Variants in KLC1 observed in about 807,000 individuals in gnomAD.
KLC1 encodes the protein kinesin light chain 1.
In KLC1, 30 loss-of-function variants were observed where a neutral mutation model predicts 84.2. That is an observed-to-expected ratio of 0.36 (90% CI 0.27 to 0.48). The LOEUF (loss-of-function observed/expected upper bound fraction) is 0.48. KLC1 is among the 20% of genes least tolerant of loss of function. KLC1 has a pLI of 0.99. For synonymous variants in KLC1, 289 were observed against 293.3 expected, an observed-to-expected ratio of 0.99 and a Z score of 0.15; for missense variants, 499 against 805.4, an observed-to-expected ratio of 0.62 and a Z score of 4.60.
Position 103,679,066 on chromosome 14 carries a change from T to G in KLC1, c.1489-318T>G, listed in dbSNP as rs934535609. On this transcript the variant is annotated intron_variant, in intron 12 of 16. Coordinates refer to ENST00000334553, the MANE Select transcript of KLC1 (RefSeq NM_001394837.1). Reference sequence around the variant, plus strand: ...AAATGGTTCAGGCATTGGAGAAGTTTGATGGCTTATCTAAAAGTTAAACTT... The same window carrying G: ...AAATGGTTCAGGCATTGGAGAAGTTGGATGGCTTATCTAAAAGTTAAACTT... Among the ~76,000 whole-genome samples, 56 of 152,170 alleles carry G rather than the reference T, an allele frequency of 3.7e-4. 2 individuals are homozygous for G. The highest frequency in any genetic ancestry group is 1.2e-4 in the Non-Finnish European group (8 of 68,032).
chr14:103,700,777 G>A (rs746705994), intron 16 of KLC1, 50 bp downstream of exon 16: 5 of 1,446,910 alleles, frequency 3.5e-6, no homozygotes, highest in Non-Finnish European at 4.7e-6. Flanking sequence ...GGGCCAGGGA[G>A]GGACTTTGCA....
chr14:103,657,029 C>T (rs1009859198), intron 2 of KLC1, among the ~76,000 whole-genome samples: 1 of 152,120 alleles, frequency 6.6e-6, no homozygotes, highest in Non-Finnish European at 1.5e-5. Flanking sequence ...ATGAGTGCAC[C>T]AGTGCATTCT....
intron 1 of KLC1, among the ~76,000 whole-genome samples, chr14:103,633,114 G>A (rs1441294972): frequency 1.3e-5 from 2 of 151,536 alleles, no homozygotes; most frequent in Non-Finnish European, 2.9e-5. Context: ...CTGGAACGCA[G>A]TGGCACGACC....
chr14:103,658,037 A>G (rs2078953346), intron 3 of KLC1, among the ~76,000 whole-genome samples: 1 of 152,130 alleles, frequency 6.6e-6, no homozygotes, highest in Non-Finnish European at 1.5e-5. Context: ...CTTCCATGCC[A>G]TCAGCTGCTG....
intron 13 of KLC1, 113 bp downstream of exon 13, chr14:103,679,658 C>A: frequency 1.4e-6 from 1 of 729,790 alleles, no homozygotes; most frequent in Non-Finnish European, 2.3e-6. Context: ...AATTAAGTGC[C>A]AATTAAGCTT....
At chr14:103,685,646 G>T (rs956121744) in intron 13 of KLC1, 1 of 1,289,378 alleles carries the variant, frequency 7.8e-7, no homozygotes, top group Non-Finnish European at 1.0e-6. Flanking sequence ...AGGCCTAGCC[G>T]CCCGTGACTC....
At chr14:103,658,606 A>T (rs1191477946) in intron 3 of KLC1, among the ~76,000 whole-genome samples, 4 of 134,828 alleles carry the variant, frequency 3.0e-5, no homozygotes, top group Non-Finnish European at 6.4e-5. Flanking sequence ...TTGGATGTTT[A>T]TCCTAGTCTC....
At chr14:103,697,272 TGAA>T (rs1474760499) in intron 15 of KLC1, 2 of 305,286 alleles carry the variant, frequency 6.6e-6, no homozygotes, top group African/African-American at 2.3e-5. Flanking sequence ...GATAACATGA[TGAA>T]GGTTTAAACG....
chr14:103,646,336 C>T lies in KLC1; in HGVS notation c.-1-8228C>T, dbSNP rs188541385. On this transcript the variant is annotated intron_variant, in intron 1 of 16. Transcript: ENST00000334553. ...ATTTTCTGAGACAGTCTTGCTTGCT[C>T]TGTCACCTACGCTGGAGTGCAGTGG... Among the ~76,000 whole-genome samples the T allele has an allele frequency of 4.4e-4, 67 of 151,886 alleles. No homozygotes were observed. In the Middle Eastern group the frequency reaches 0.02, roughly 46 times the overall value.
chr14:103,630,879 C>G (rs1278061366), intron 1 of KLC1, among the ~76,000 whole-genome samples: 1 of 152,190 alleles, frequency 6.6e-6, no homozygotes, highest in Non-Finnish European at 1.5e-5. Flanking sequence ...GCAGCCCTGT[C>G]TGGCACTGAG....
intron 2 of KLC1, among the ~76,000 whole-genome samples, chr14:103,656,131 G>C (rs927602825): frequency 5.3e-5 from 8 of 152,156 alleles, no homozygotes; most frequent in African/African-American, 1.4e-4. Context: ...AAGGAAGGAC[G>C]TGCCTCCTTC....
At chr14:103,647,720 A>G (rs1324148352) in intron 1 of KLC1, among the ~76,000 whole-genome samples, 1 of 151,596 alleles carries the variant, frequency 6.6e-6, no homozygotes, top group African/African-American at 2.4e-5. Context: ...TACTAAAAAT[A>G]CAAAAATTAG....
At chr14:103,677,861 G>A (rs570462949) in intron 12 of KLC1, among the ~76,000 whole-genome samples, 1 of 152,192 alleles carries the variant, frequency 6.6e-6, no homozygotes, top group Non-Finnish European at 1.5e-5. Context: ...CAGCTACTCG[G>A]GAGGCTGAGA....
chr14:103,698,874 TG>T, intron 15 of KLC1: 2 of 1,605,910 alleles, frequency 1.2e-6, no homozygotes, highest in South Asian at 2.2e-5. Flanking sequence ...GGGGGGCAGG[TG>T]GGGGGCAGAG....
At chr14:103,685,134 G>C (rs1244715603) in intron 13 of KLC1, 2 of 1,477,450 alleles carry the variant, frequency 1.4e-6, no homozygotes, top group Non-Finnish European at 1.8e-6. Context: ...ATTGCTGCCT[G>C]TGGAAATTAA....
intron 13 of KLC1, among the ~76,000 whole-genome samples, chr14:103,680,073 C>T (rs976079663): frequency 4.6e-5 from 7 of 152,196 alleles, no homozygotes; most frequent in African/African-American, 1.7e-4. Context: ...CCTGCATTTC[C>T]CCTGAGAGGG....
chr14:103,699,143 CG>C (rs1567048113), intron 15 of KLC1: 1 of 1,572,138 alleles, frequency 6.4e-7, no homozygotes, highest in Non-Finnish European at 8.6e-7. Flanking sequence ...CCCAGCGGCC[CG>C]TGTGCTGCGC....
At chr14:103,641,585 T>TA (rs911571549) in intron 1 of KLC1, among the ~76,000 whole-genome samples, 5 of 151,990 alleles carry the variant, frequency 3.3e-5, no homozygotes, top group African/African-American at 1.2e-4. Flanking sequence ...GTTCCCTTTT[T>TA]AAAAAAAATT....
chr14:103,660,177 A>T (rs1567020904), intron 3 of KLC1, among the ~76,000 whole-genome samples: 1 of 152,144 alleles, frequency 6.6e-6, no homozygotes, highest in Non-Finnish European at 1.5e-5. Context: ...GGGCCAACTA[A>T]ATGTTTTGAT....
Sources: gnomAD v4.1 joint callset for allele counts (sites outside exome capture counted in the v4.1 genomes callset) on GRCh38, gnomAD v4.1.1 for gene constraint, MANE v1.5 for transcripts, NCBI Gene and HGNC (gene_info 2026-07-23, HGNC 2026-07-21) for gene names.